The following PRSS23 variants were observed in gnomAD, a reference collection of about 807,000 sequenced individuals.
PRSS23 encodes protease, serine 23.
A neutral mutation model predicts 34.7 loss-of-function variants in PRSS23; 25 were observed. That is an observed-to-expected ratio of 0.72 (90% CI 0.53 to 1.01). The LOEUF (loss-of-function observed/expected upper bound fraction) is 1.01. Among genes scored for constraint, PRSS23 ranks in the 50% least tolerant of loss-of-function variants. The pLI is 0.00. For missense variants in PRSS23, 445 were observed against 475.6 expected, an observed-to-expected ratio of 0.94 and a Z score of 0.60; for synonymous variants, 176 against 186.6, an observed-to-expected ratio of 0.94 and a Z score of 0.46.
intron 2 of PRSS23, among the ~76,000 whole-genome samples, chr11:86,847,109 A>AG (rs1948492078): frequency 6.6e-6 from 1 of 152,066 alleles, no homozygotes; most frequent in Non-Finnish European, 1.5e-5. Context: ...CCACCTTGAG[A>AG]GGGGGGCTTA....
At chr11:86,866,835 C>G (rs1007604321) in intron 2 of PRSS23, among the ~76,000 whole-genome samples, 5 of 150,676 alleles carry the variant, frequency 3.3e-5, no homozygotes, top group African/African-American at 1.2e-4. Context: ...CTTGCTTCCT[C>G]TCTCACCACG....
intron 2 of PRSS23, among the ~76,000 whole-genome samples, chr11:86,872,207 G>A (rs1018674013): frequency 6.6e-6 from 1 of 152,156 alleles, no homozygotes; most frequent in East Asian, 1.9e-4. Context: ...GGAATAAATA[G>A]TATATAATGT....
At chr11:86,894,256 C>T (rs1051658233) in intron 2 of PRSS23, among the ~76,000 whole-genome samples, 12 of 152,276 alleles carry the variant, frequency 7.9e-5, no homozygotes, top group Admixed American at 2.0e-4. Context: ...GTGATCTGCC[C>T]GCCTTGGCCT....
chr11:86,932,434 A>G (rs1949132380), intron 2 of PRSS23, among the ~76,000 whole-genome samples: 1 of 152,160 alleles, frequency 6.6e-6, no homozygotes, highest in Non-Finnish European at 1.5e-5. Context: ...CCCAGCCTCC[A>G]GAAGAGTTTG....
intron 2 of PRSS23, among the ~76,000 whole-genome samples, chr11:86,858,648 C>A (rs1240249138): frequency 6.6e-6 from 1 of 151,662 alleles, no homozygotes; most frequent in Non-Finnish European, 1.5e-5. Flanking sequence ...GGGGTGTACA[C>A]ACCCCTGTGA....
chr11:86,873,421 G>A (rs1260649961), intron 2 of PRSS23, among the ~76,000 whole-genome samples: 1 of 151,510 alleles, frequency 6.6e-6, no homozygotes, highest in Non-Finnish European at 1.5e-5. Flanking sequence ...GCCTCCTACA[G>A]GCATGCACCA....
chr11:86,907,504 T>C (rs1420413847), intron 2 of PRSS23, among the ~76,000 whole-genome samples: 4 of 152,154 alleles, frequency 2.6e-5, no homozygotes, highest in Non-Finnish European at 5.9e-5. Context: ...TATCACTCTG[T>C]CACCCAGGCT....
At chr11:86,943,114 G>C (rs1029853908) in intron 2 of PRSS23, among the ~76,000 whole-genome samples, 3 of 152,256 alleles carry the variant, frequency 2.0e-5, no homozygotes, top group Admixed American at 6.5e-5. Flanking sequence ...GCTCCCATTG[G>C]GGGAAGGTGG....
At chr11:86,867,279 C>G (rs374214568) in intron 2 of PRSS23, among the ~76,000 whole-genome samples, 9 of 152,364 alleles carry the variant, frequency 5.9e-5, no homozygotes, top group African/African-American at 2.2e-4. Flanking sequence ...CCTCCCCAAG[C>G]TGGCTCTCAA....
chr11:86,888,724 T>A (rs181510403), intron 2 of PRSS23, among the ~76,000 whole-genome samples: 1 of 152,366 alleles, frequency 6.6e-6, no homozygotes, highest in Non-Finnish European at 1.5e-5. Context: ...CAGGCATTTG[T>A]GTCTAAACCA....
intron 2 of PRSS23, among the ~76,000 whole-genome samples, chr11:86,848,045 G>A (rs949537962): frequency 6.6e-6 from 1 of 152,216 alleles, no homozygotes; most frequent in Non-Finnish European, 1.5e-5. Flanking sequence ...CGAGAGCCAG[G>A]CACCCGAACT....
At chr11:86,820,324 G>T (rs1055993640) in intron 1 of PRSS23, among the ~76,000 whole-genome samples, 2 of 152,164 alleles carry the variant, frequency 1.3e-5, no homozygotes, top group African/African-American at 4.8e-5. Context: ...GGTATAATCT[G>T]TAAGCAATTA....
chr11:86,825,141 G>A (rs1032692238), intron 2 of PRSS23, among the ~76,000 whole-genome samples: 1 of 151,750 alleles, frequency 6.6e-6, no homozygotes, highest in Non-Finnish European at 1.5e-5. Flanking sequence ...TCCAGCACCT[G>A]TTGTTTCCTG....
At chr11:86,880,441 A>AT (rs1299292946) in intron 2 of PRSS23, among the ~76,000 whole-genome samples, 2 of 151,228 alleles carry the variant, frequency 1.3e-5, no homozygotes, top group East Asian at 3.9e-4. Context: ...AGAATGATCA[A>AT]TAAAAAAAAT....
chr11:86,803,383 C>T (rs1047067207), intron 1 of PRSS23, among the ~76,000 whole-genome samples: 1 of 152,176 alleles, frequency 6.6e-6, no homozygotes, highest in Admixed American at 6.5e-5. Context: ...TTCATTACAT[C>T]TGTTTATACC....
At chr11:86,927,377 G>T (rs1384409289) in intron 2 of PRSS23, among the ~76,000 whole-genome samples, 1 of 152,176 alleles carries the variant, frequency 6.6e-6, no homozygotes, top group Non-Finnish European at 1.5e-5. Context: ...ACAGTTATAA[G>T]ATCTCAGAAG....
chr11:86,807,527 C>T (rs1948115434), intron 1 of PRSS23, 104 bp from the exon 2 acceptor site: 1 of 1,125,796 alleles, frequency 8.9e-7, no homozygotes. Flanking sequence ...GAGGAGTGTT[C>T]AAAGACTCAG....
At chr11:86,927,863 C>A (rs1949091910) in intron 2 of PRSS23, among the ~76,000 whole-genome samples, 1 of 151,954 alleles carries the variant, frequency 6.6e-6, no homozygotes, top group African/African-American at 2.4e-5. Context: ...GAGGCTTAAA[C>A]CCAGGAGGTG....
chr11:86,797,358 G>A (rs1366086567), upstream of PRSS23, among the ~76,000 whole-genome samples: 3 of 152,190 alleles, frequency 2.0e-5, no homozygotes, highest in South Asian at 4.2e-4. Flanking sequence ...TTCTATCATC[G>A]TCCTTATGGC....
Sources: gnomAD v4.1 joint callset for allele counts (sites outside exome capture counted in the v4.1 genomes callset) on GRCh38, gnomAD v4.1.1 for gene constraint, MANE v1.5 for transcripts, NCBI Gene and HGNC (gene_info 2026-07-23, HGNC 2026-07-21) for gene names.